The following ACTN1 variants were observed in gnomAD, a reference collection of about 807,000 sequenced individuals.
The protein encoded by ACTN1 is alpha-actinin-1.
ACTN1 carries 30 observed loss-of-function variants against 119.6 expected under a neutral mutation model. That is an observed-to-expected ratio of 0.25 (90% CI 0.19 to 0.34). The LOEUF is 0.34. ACTN1 is among the 10% of genes least tolerant of loss of function. The pLI is 1.00. For synonymous variants in ACTN1, 429 were observed against 472.6 expected, an observed-to-expected ratio of 0.91 and a Z score of 1.20; for missense variants, 764 against 1,223.4, an observed-to-expected ratio of 0.62 and a Z score of 5.60.
chr14:68,876,936 TGAGTAGAA>T, intron 21 of ACTN1, 138 bp downstream of exon 21: 1 of 925,102 alleles, frequency 1.1e-6, no homozygotes, highest in Non-Finnish European at 1.6e-6. Context: ...ATTACAGAAA[TGAGTAGAA>T]GTGGCAAACA....
At chr14:68,900,123 G>A (rs962366991) in intron 8 of ACTN1, among the ~76,000 whole-genome samples, 4 of 152,136 alleles carry the variant, frequency 2.6e-5, no homozygotes, top group Non-Finnish European at 4.4e-5. Context: ...AGGAAGTTCC[G>A]GAGGGTCTTG....
rs1566588193 is a variant in ACTN1, at chr14:68,878,906, CAGAG to C, written c.2361+79_2361+82del. 1.2e-6 allele frequency: 2 copies of C among 1,604,776 alleles called. No individual in the cohort carries two copies. Among genetic ancestry groups the C allele is most frequent in the Non-Finnish European group, 1.7e-6 (2 of 1,178,878 alleles). The stretch of plus-strand genomic sequence containing the variant: ...ACAGGAGGGGGACAGGAGATCCAGA[CAGAG>C]AGAAGAGAAAAAGGAAAAACGCATT... On this transcript the variant is annotated intron_variant, in intron 19 of 21. Coordinates refer to ENST00000394419, the MANE Select transcript of ACTN1 (RefSeq NM_001130004.2). The surrounding 1 kb of genome is among the most constrained non-coding windows in gnomAD (Gnocchi z 4.4).
At chr14:68,970,246 G>A (rs948244673) in intron 1 of ACTN1, among the ~76,000 whole-genome samples, 2 of 152,044 alleles carry the variant, frequency 1.3e-5, no homozygotes, top group Non-Finnish European at 2.9e-5. Flanking sequence ...CTCTGATTTA[G>A]GCCTGGAAGG....
chr14:68,970,671 T>C (rs1332345767), intron 1 of ACTN1, among the ~76,000 whole-genome samples: 1 of 152,214 alleles, frequency 6.6e-6, no homozygotes, highest in Admixed American at 6.5e-5. Context: ...ACCAGGAACG[T>C]GGGACTGGGG....
rs112183721 is a variant in ACTN1, at chr14:68,882,207, A to G, written c.1953+251T>C. Among the ~76,000 whole-genome samples, 14,559 of 152,060 alleles carry G rather than the reference A, an allele frequency of 0.096. 792 individuals carry two copies. Among genetic ancestry groups the G allele is most frequent in the African/African-American group, 0.14 (5,946 of 41,474 alleles). On this transcript the variant is annotated intron_variant, in intron 16 of 21. Transcript: ENST00000394419. This position sits in a 1 kb window ranked among gnomAD's most constrained non-coding sequence, Gnocchi z 4.5. ...TGCCTCGGCCTCCCAAAGTGCTGGG[A>G]TTACAGGCGTGAGCCCACAGGCAGC...
At chr14:68,875,862 T>C (rs966580004) in intron 21 of ACTN1, among the ~76,000 whole-genome samples, 2 of 152,272 alleles carry the variant, frequency 1.3e-5, no homozygotes, top group African/African-American at 4.8e-5. Flanking sequence ...CAAAGTGCTA[T>C]GATGCAAATA....
intron 1 of ACTN1, among the ~76,000 whole-genome samples, chr14:68,948,848 G>C (rs1253089545): frequency 6.6e-6 from 1 of 152,208 alleles, no homozygotes; most frequent in African/African-American, 2.4e-5. Context: ...TGACAGAACA[G>C]ACACACTGCC....
intron 1 of ACTN1, among the ~76,000 whole-genome samples, chr14:68,971,683 A>C (rs532691408): frequency 3.3e-5 from 5 of 152,306 alleles, no homozygotes; most frequent in Admixed American, 6.5e-5. Context: ...CATACACTCC[A>C]TGTGCAAGAA....
chr14:68,927,916 G>A (rs2035013170), intron 1 of ACTN1, among the ~76,000 whole-genome samples: 2 of 152,142 alleles, frequency 1.3e-5, no homozygotes, highest in South Asian at 2.1e-4. Flanking sequence ...TTGACACTGG[G>A]GTGGGTGGTC....
Position 68,885,334 on chromosome 14 carries a change from CTT to C in ACTN1, c.1385+89_1385+90del. On this transcript the variant is annotated intron_variant, in intron 12 of 21. Coordinates refer to ENST00000394419, the MANE Select transcript of ACTN1 (RefSeq NM_001130004.2). This position sits in a 1 kb window ranked among gnomAD's most constrained non-coding sequence, Gnocchi z 5.6. ...ACCCACCTGTACCCACCCTCCCCAT[CTT>C]CCACGGCCACACCCCCACCTCCCCC... is the stretch of plus-strand genomic sequence containing the variant. The C allele has an allele frequency of 8.5e-7, 1 of 1,174,822 alleles. No individual in the cohort carries two copies. The allele number at this position is 1,174,822 out of a possible 1,614,324, so 72.8% of individuals were successfully genotyped here.
chr14:68,899,219 ACAC>A lies in ACTN1; in HGVS notation c.762+3255_762+3257del, dbSNP rs538339648. Among the ~76,000 whole-genome samples, 106 of 113,892 alleles carry A rather than the reference ACAC, an allele frequency of 9.3e-4. 2 individuals carry two copies. In the Admixed American group the frequency reaches 9.5e-3, roughly 10 times the overall value. The allele number at this position is 113,892 out of a possible 152,430, so 74.7% of individuals were successfully genotyped here. A position where few individuals can be genotyped will look rare whatever the true frequency, so the allele number is the denominator to read the frequency against. ...AGCACACTATACCCCTCCACACCAC[ACAC>A]CACACCCCACACACACAGCACTCCC... On this transcript the variant is annotated intron_variant, in intron 8 of 21. Coordinates refer to ENST00000394419, the MANE Select transcript of ACTN1 (RefSeq NM_001130004.2).
At chr14:68,912,596 CA>C (rs985390132) in intron 3 of ACTN1, among the ~76,000 whole-genome samples, 10 of 152,044 alleles carry the variant, frequency 6.6e-5, no homozygotes. Flanking sequence ...AGGCTGGTCT[CA>C]AACTCCTGGG....
intron 1 of ACTN1, among the ~76,000 whole-genome samples, chr14:68,956,106 C>T (rs891783123): frequency 6.6e-6 from 1 of 151,896 alleles, no homozygotes; most frequent in African/African-American, 2.4e-5. Context: ...CCAAGGCTGT[C>T]GTGAGCTATG....
intron 1 of ACTN1, among the ~76,000 whole-genome samples, chr14:68,976,484 C>T (rs1402351146): frequency 2.6e-5 from 4 of 152,198 alleles, no homozygotes; most frequent in African/African-American, 4.8e-5. Context: ...CTGAGGCCCA[C>T]GAAAGATAAT....
Position 68,890,300 on chromosome 14 carries a change from A to G in ACTN1, c.1087-14T>C. ...ATTGTTGATGTCCTGTGGGGATGGG[A>G]GGTACAGGGTCAGGGTCTGGCTTGG... On this transcript the variant is annotated splice_polypyrimidine_tract_variant and intron_variant, in intron 10 of 21. Coordinates refer to ENST00000394419, the MANE Select transcript of ACTN1 (RefSeq NM_001130004.2). 1 of 1,613,892 alleles carries G rather than the reference A, an allele frequency of 6.2e-7. No homozygotes were observed. Among genetic ancestry groups the G allele is most frequent in the South Asian group, 1.1e-5 (1 of 91,078 alleles).
Position 68,909,461 on chromosome 14 carries a change from C to T in ACTN1, c.516-65G>A. 2.0e-6 allele frequency: 3 copies of T among 1,503,176 alleles called. No individual in the cohort carries two copies. Among genetic ancestry groups the T allele is most frequent in the Non-Finnish European group, 2.8e-6 (3 of 1,084,400 alleles). 93.1% of individuals were successfully genotyped at this position (1,503,176 alleles called of 1,614,324 possible). On this transcript the variant is annotated intron_variant, in intron 5 of 21. Coordinates refer to ENST00000394419, the MANE Select transcript of ACTN1 (RefSeq NM_001130004.2). This position sits in a 1 kb window ranked among gnomAD's most constrained non-coding sequence, Gnocchi z 4.1. ...AGGCTGAACAAACGGGCAACCAGGG[C>T]AAAGCAGGGGCCTCCTAGACACCAG...
chr14:68,915,471 C>T (rs778690649), intron 3 of ACTN1, among the ~76,000 whole-genome samples: 51 of 152,334 alleles, frequency 3.3e-4, no homozygotes, highest in Middle Eastern at 6.8e-3. Context: ...TTCTCTCTTT[C>T]CCCTCTAGAA....
chr14:68,975,233 G>A (rs1186335283), intron 1 of ACTN1, among the ~76,000 whole-genome samples: 1 of 152,196 alleles, frequency 6.6e-6, no homozygotes, highest in Non-Finnish European at 1.5e-5. Context: ...TGCCAACGCT[G>A]CCTCTCTGTT....
intron 1 of ACTN1, among the ~76,000 whole-genome samples, chr14:68,951,102 G>GC (rs1471899098): frequency 2.6e-5 from 4 of 152,066 alleles, no homozygotes; most frequent in Admixed American, 6.6e-5. Context: ...GCCTTCCCTG[G>GC]CCCCCCGCCC....
Sources: gnomAD v4.1 joint callset for allele counts (sites outside exome capture counted in the v4.1 genomes callset) on GRCh38, gnomAD v4.1.1 for gene constraint, Gnocchi (gnomAD v3.1) non-coding constraint, MANE v1.5 for transcripts, NCBI Gene and HGNC (gene_info 2026-07-23, HGNC 2026-07-21) for gene names.